TMEM243: variants seen among roughly 807,000 people sequenced by gnomAD.
The protein encoded by TMEM243 is MDR1 and mitochondrial taxol resistance associated.
TMEM243 carries 20 observed loss-of-function variants against 15.0 expected under a neutral mutation model. The observed-to-expected ratio is 1.33, with a 90% CI of 0.94 to 1.93. The LOEUF is 1.93. Ranked by LOEUF, TMEM243 falls within the 30% of genes most tolerant of loss-of-function variation. The pLI, the probability that TMEM243 is intolerant of heterozygous loss-of-function variation, is 0.00. For missense variants in TMEM243, 156 were observed against 142.1 expected (o/e 1.10, Z -0.50); for synonymous variants, 72 against 52.7 (o/e 1.37, Z -1.59).
chr7:87,202,708 A>G (rs1584523788), intron 1 of TMEM243, among the ~76,000 whole-genome samples: 1 of 152,230 alleles, frequency 6.6e-6, no homozygotes, highest in African/African-American at 2.4e-5. Context: ...AAGGTCTAAC[A>G]GTCCTAAAAC....
chr7:87,216,436 A>T (rs1014155882), intron 1 of TMEM243, among the ~76,000 whole-genome samples: 3 of 152,188 alleles, frequency 2.0e-5, no homozygotes, highest in African/African-American at 4.8e-5. Flanking sequence ...ACAAAGTGAG[A>T]CACTGCCTCA....
chr7:87,217,309 G>A (rs1297268266), intron 1 of TMEM243, among the ~76,000 whole-genome samples: 2 of 152,176 alleles, frequency 1.3e-5, no homozygotes, highest in African/African-American at 4.8e-5. Context: ...ACAGCAAGCT[G>A]CAGACACCCA....
Position 87,196,591 on chromosome 7 carries a change from T to A in TMEM243, c.*45A>T. ...ATCCAAAAATTACTCACTGTCCTAA[T>A]GTATCATTTTGAAGAGTCCTGGTAA... is the stretch of plus-strand genomic sequence containing the variant. On this transcript the variant is annotated 3_prime_UTR_variant, in exon 4 of 4. Coordinates refer to ENST00000257637, the MANE Select transcript of TMEM243 (RefSeq NM_024315.4). 1 of 1,577,536 alleles carries A rather than the reference T, an allele frequency of 6.3e-7. No homozygotes were observed.
intron 1 of TMEM243, among the ~76,000 whole-genome samples, chr7:87,217,911 A>G (rs1272387756): frequency 1.3e-5 from 2 of 152,268 alleles, no homozygotes; most frequent in Non-Finnish European, 2.9e-5. Context: ...GCATAAATGG[A>G]CAAGTCCATT....
intron 1 of TMEM243, among the ~76,000 whole-genome samples, chr7:87,206,207 G>A (rs181687929): frequency 3.3e-5 from 5 of 151,974 alleles, no homozygotes; most frequent in Non-Finnish European, 7.3e-5. Context: ...CAACACGTGG[G>A]AATTATGGGA....
At chr7:87,202,973 C>T (rs989206746) in intron 1 of TMEM243, 4 of 152,234 alleles carry the variant, frequency 2.6e-5, no homozygotes, top group Admixed American at 6.5e-5. Context: ...CCTGGTCAGT[C>T]ATTAGCCAGC....
At chr7:87,200,635 G>A (rs558899764) in intron 1 of TMEM243, among the ~76,000 whole-genome samples, 1 of 152,222 alleles carries the variant, frequency 6.6e-6, no homozygotes, top group South Asian at 2.1e-4. Flanking sequence ...AATGGTAAAA[G>A]GATATTAACT....
Position 87,196,552 on chromosome 7 carries a change from C to T in TMEM243, c.*84G>A. Reference sequence around the variant, plus strand: ...ATGTATCAGACTTCTGCAGGAGATTCTTCAGCATACCTTATCCAAAAATTA... The same window carrying T: ...ATGTATCAGACTTCTGCAGGAGATTTTTCAGCATACCTTATCCAAAAATTA... On this transcript the variant is annotated 3_prime_UTR_variant, in exon 4 of 4. Coordinates refer to ENST00000257637, the MANE Select transcript of TMEM243 (RefSeq NM_024315.4). The T allele has an allele frequency of 7.3e-7, 1 of 1,364,860 alleles. No individual in the cohort carries two copies. The highest frequency in any genetic ancestry group is 2.5e-5 in the East Asian group (1 of 40,054). The allele number at this position is 1,364,860 out of a possible 1,614,324, so 84.5% of individuals were successfully genotyped here. A position where few individuals can be genotyped will look rare whatever the true frequency, so the allele number is the denominator to read the frequency against.
At chr7:87,197,716 T>TTTA (rs1491353366) in intron 3 of TMEM243, 1 of 118,874 alleles carries the variant, frequency 8.4e-6, no homozygotes, top group Non-Finnish European at 1.1e-5. Flanking sequence ...TTTTTTTTTT[T>TTTA]AAGCTATCAA....
chr7:87,205,687 C>G (rs985577029), intron 1 of TMEM243, among the ~76,000 whole-genome samples: 1 of 152,184 alleles, frequency 6.6e-6, no homozygotes, highest in Non-Finnish European at 1.5e-5. Flanking sequence ...TCAGCGTGAA[C>G]CTTATTGTCC....
At chr7:87,205,729 C>G (rs1367287132) in intron 1 of TMEM243, among the ~76,000 whole-genome samples, 1 of 141,174 alleles carries the variant, frequency 7.1e-6, no homozygotes, top group Non-Finnish European at 1.6e-5. Context: ...CAAAACCAAT[C>G]AACAAGTCTC....
intron 1 of TMEM243, among the ~76,000 whole-genome samples, chr7:87,209,857 A>ACAGTGAGAGAGC (rs1802604329): frequency 1.4e-5 from 2 of 143,816 alleles, no homozygotes; most frequent in African/African-American, 5.4e-5. Flanking sequence ...AGAGCGAGAG[A>ACAGTGAGAGAGC]GAGAGAGAGC....
In TMEM243 at chr7:87,219,546, C is replaced by T. The variant is rs1803352307; in HGVS notation, c.-43G>A. 1.9e-6 allele frequency: 3 copies of T among 1,572,080 alleles called. No individual in the cohort carries two copies. Among genetic ancestry groups the T allele is most frequent in the African/African-American group, 1.3e-5 (1 of 74,196 alleles). ...TTCCCCAAGCCACTTAAAAGCAAGA[C>T]AGCATGACCTCCCGAGGTCTCAGGT... On this transcript the variant is annotated 5_prime_UTR_variant, in exon 1 of 4. Coordinates refer to ENST00000257637, the MANE Select transcript of TMEM243 (RefSeq NM_024315.4).
intron 1 of TMEM243, among the ~76,000 whole-genome samples, chr7:87,202,577 A>G (rs147273549): frequency 6.6e-6 from 1 of 152,198 alleles, no homozygotes; most frequent in African/African-American, 2.4e-5. Context: ...TGTTATCTCT[A>G]TTTACCAATG....
chr7:87,207,465 G>A lies in TMEM243; in HGVS notation c.79-8408C>T, dbSNP rs1388446541. On this transcript the variant is annotated intron_variant, in intron 1 of 3. Transcript: ENST00000257637. ...AAAAAAATTAGCCGGGCGTGGTGGC[G>A]GGCGCCTGTAGTCCCAGCTACTCGG... is the stretch of plus-strand genomic sequence containing the variant. 1.2e-4 allele frequency among the ~76,000 whole-genome samples: 5 copies of A among 40,196 alleles called. 1 individual carries two copies. The highest frequency in any genetic ancestry group is 7.4e-4 in the South Asian group (1 of 1,348). The allele number at this position is 40,196 out of a possible 152,430, so 26.4% of individuals were successfully genotyped here.
chr7:87,208,060 G>A (rs1479166338), intron 1 of TMEM243, among the ~76,000 whole-genome samples: 2 of 152,140 alleles, frequency 1.3e-5, no homozygotes, highest in African/African-American at 4.8e-5. Context: ...CTACAATTCA[G>A]GAGGAGATTT....
chr7:87,196,576 TACTC>T lies in TMEM243; in HGVS notation c.*56_*59del, dbSNP rs1344426412. On this transcript the variant is annotated 3_prime_UTR_variant, in exon 4 of 4. Coordinates refer to ENST00000257637, the MANE Select transcript of TMEM243 (RefSeq NM_024315.4). Reference sequence around the variant, plus strand: ...TCTTCAGCATACCTTATCCAAAAATTACTCACTGTCCTAATGTATCATTTTGAAG... The same window carrying T: ...TCTTCAGCATACCTTATCCAAAAATTACTGTCCTAATGTATCATTTTGAAG... 10 of 1,531,128 alleles carry T rather than the reference TACTC, an allele frequency of 6.5e-6. No homozygotes were observed. The highest frequency in any genetic ancestry group is 5.7e-5 in the African/African-American group (4 of 69,858). The allele number at this position is 1,531,128 out of a possible 1,614,324, so 94.8% of individuals were successfully genotyped here. A position where few individuals can be genotyped will look rare whatever the true frequency, so the allele number is the denominator to read the frequency against.
intron 1 of TMEM243, 183 bp from the exon 2 acceptor site, chr7:87,199,240 T>TG: frequency 2.1e-6 from 1 of 481,686 alleles, no homozygotes; most frequent in Non-Finnish European, 3.6e-6. Flanking sequence ...AAATGTACTT[T>TG]GGGAAAATGG....
At chr7:87,209,350 G>A (rs1174068562) in intron 1 of TMEM243, among the ~76,000 whole-genome samples, 1 of 151,690 alleles carries the variant, frequency 6.6e-6, no homozygotes. Context: ...AAGAGGTTGA[G>A]AGGGGGGAAG....
Sources: allele counts gnomAD v4.1 joint callset (sites outside exome capture counted in the v4.1 genomes callset), GRCh38; gene constraint gnomAD v4.1.1; transcripts MANE v1.5; gene names NCBI Gene and HGNC (gene_info 2026-07-23, HGNC 2026-07-21).